SYNE1: variants seen among roughly 807,000 people sequenced by gnomAD.
The protein encoded by SYNE1 is spectrin repeat containing nuclear envelope protein 1, also known as nesprin-1.
SYNE1 carries 616 observed loss-of-function variants against 1,111.0 expected under a neutral mutation model. The ratio of observed to expected loss-of-function variants is 0.55; its 90% confidence interval spans 0.52 to 0.59. The LOEUF is 0.59. Ranked by LOEUF, SYNE1 falls within the 20% of genes least tolerant of loss-of-function variation. The pLI, the probability that SYNE1 is intolerant of heterozygous loss-of-function variation, is 0.00. For synonymous variants in SYNE1, 3,855 were observed against 3,825.8 expected, an observed-to-expected ratio of 1.01 and a Z score of -0.28; for missense variants, 10,006 against 10,417.0, an observed-to-expected ratio of 0.96 and a Z score of 1.72.
intron 134 of SYNE1, 28 bp downstream of exon 134, chr6:152,151,931 T>C: frequency 1.9e-6 from 3 of 1,612,774 alleles, no homozygotes; most frequent in Non-Finnish European, 2.5e-6. Flanking sequence ...CTCTGGCCTC[T>C]AAATTACAGA....
chr6:152,183,023 T>C (rs921321981), intron 128 of SYNE1, among the ~76,000 whole-genome samples: 9 of 152,096 alleles, frequency 5.9e-5, no homozygotes, highest in African/African-American at 2.2e-4. Flanking sequence ...TGGAAAAAGC[T>C]AAGGAAACAG....
At chr6:152,462,275 G>C (rs2098738659) in intron 20 of SYNE1, among the ~76,000 whole-genome samples, 2 of 151,674 alleles carry the variant, frequency 1.3e-5, no homozygotes, top group South Asian at 2.1e-4. Flanking sequence ...TTTTTACAAA[G>C]ACAAAAGAAT....
intron 3 of SYNE1, among the ~76,000 whole-genome samples, chr6:152,623,643 A>G (rs979732227): frequency 6.6e-6 from 1 of 152,228 alleles, no homozygotes; most frequent in African/African-American, 2.4e-5. Flanking sequence ...TCTAATATCC[A>G]GCATCTATAA....
rs1212269934 is a variant in SYNE1, at chr6:152,387,165, C to T, written c.8394G>A (p.Arg2798=). 3.7e-6 allele frequency: 6 copies of T among 1,614,116 alleles called. No homozygotes were observed. Among genetic ancestry groups the T allele is most frequent in the Non-Finnish European group, 5.1e-6 (6 of 1,180,022 alleles). The part of the protein sequence containing the change: ...RALHRLIAKS[R]ELYEKTEDES... ...CATCCTCTGTCTTTTCGTAGAGCTC[C>T]CTGGACTTCGCAATTAGACGGTGAA... The change falls in exon 54 of 146, where the codon AGG becomes AGA. Residue 2798 remains arginine, a synonymous_variant. Transcript: ENST00000367255.
intron 30 of SYNE1, 138 bp downstream of exon 30, chr6:152,444,273 C>T (rs989041924): frequency 6.6e-6 from 6 of 908,940 alleles, no homozygotes; most frequent in Non-Finnish European, 8.6e-6. Flanking sequence ...GCGCCAAATT[C>T]TTTTAGCCAT....
chr6:152,255,572 C>A lies in SYNE1; in HGVS notation c.19260+19G>T. 6.2e-7 allele frequency: 1 copy of A among 1,613,656 alleles called. No individual in the cohort carries two copies. The highest frequency in any genetic ancestry group is 8.5e-7 in the Non-Finnish European group (1 of 1,179,604). Reference sequence around the variant, plus strand: ...CTTTGTAATGTTATACACACACAGGCAGGAACTACTAAACCTACCTCTTGG... The same window carrying A: ...CTTTGTAATGTTATACACACACAGGAAGGAACTACTAAACCTACCTCTTGG... On this transcript the variant is annotated intron_variant, in intron 103 of 145. Transcript: ENST00000367255.
intron 2 of SYNE1, among the ~76,000 whole-genome samples, chr6:152,630,047 G>A (rs2099695263): frequency 6.6e-6 from 1 of 151,860 alleles, no homozygotes; most frequent in Non-Finnish European, 1.5e-5. Context: ...TTTTAAAATG[G>A]CATTACTAAT....
chr6:152,463,836 T>C (rs1362206002), intron 18 of SYNE1, among the ~76,000 whole-genome samples: 1 of 152,138 alleles, frequency 6.6e-6, no homozygotes, highest in Non-Finnish European at 1.5e-5. Flanking sequence ...GTGCATAACC[T>C]TCAGGCTAGT....
intron 3 of SYNE1, among the ~76,000 whole-genome samples, chr6:152,555,084 C>T (rs568587847): frequency 1.3e-5 from 2 of 152,104 alleles, no homozygotes; most frequent in Non-Finnish European, 2.9e-5. Context: ...GAAAAAGCAA[C>T]ATGATGAGAA....
At chr6:152,395,482 G>C (rs1294448655) in intron 51 of SYNE1, 34 bp downstream of exon 51, 1 of 1,598,716 alleles carries the variant, frequency 6.3e-7, no homozygotes. Context: ...AACATGGTAA[G>C]AGGTAAAGGA....
intron 128 of SYNE1, among the ~76,000 whole-genome samples, chr6:152,188,235 C>G (rs948426172): frequency 1.3e-5 from 2 of 152,146 alleles, no homozygotes; most frequent in African/African-American, 2.4e-5. Context: ...AGGCAGGGCA[C>G]TCGGGGTATA....
intron 48 of SYNE1, 129 bp from the exon 49 acceptor site, chr6:152,398,860 T>C: frequency 4.6e-6 from 3 of 654,920 alleles, no homozygotes; most frequent in Non-Finnish European, 8.0e-6. Context: ...CCTTACAAAA[T>C]ATTCCACAAA....
chr6:152,401,378 G>A, intron 46 of SYNE1, 37 bp from the exon 47 acceptor site: 1 of 1,588,602 alleles, frequency 6.3e-7, no homozygotes, highest in Non-Finnish European at 8.6e-7. Flanking sequence ...TATCTCTGAA[G>A]ACCAGAAGAA....
chr6:152,365,944 C>A (rs1179447018), intron 62 of SYNE1, among the ~76,000 whole-genome samples: 2 of 152,224 alleles, frequency 1.3e-5, no homozygotes, highest in African/African-American at 4.8e-5. Context: ...GCTGTTCTTT[C>A]CTCTGGCTGT....
chr6:152,310,731 T>C lies in SYNE1; in HGVS notation c.16853A>G (p.Gln5618Arg), dbSNP rs1204566736. Residue 5618 changes from glutamine (Q) to arginine (R), a missense_variant, in exon 88 of 146, where the codon CAG (glutamine) becomes CGG (arginine). Transcript: ENST00000367255. ...ELGRETEELRQMIKIRLQNLQ... is the reference protein window; with the variant it reads ...ELGRETEELRRMIKIRLQNLQ... ...GTTCTGCAAACGAATTTTGATCATC[T>C]GTCGCAACTCCTCAGTCTCCCGTCC... is the stretch of plus-strand genomic sequence containing the variant. 1 of 1,614,136 alleles carries C rather than the reference T, an allele frequency of 6.2e-7. No individual in the cohort carries two copies. The highest frequency in any genetic ancestry group is 8.5e-7 in the Non-Finnish European group (1 of 1,180,018).
intron 145 of SYNE1, chr6:152,125,483 T>C: frequency 8.2e-7 from 1 of 1,221,284 alleles, no homozygotes; most frequent in African/African-American, 1.5e-5. Context: ...GTTTTCTCAT[T>C]TGCAATGATT....
chr6:152,455,203 A>C (rs1362334240), intron 24 of SYNE1, among the ~76,000 whole-genome samples: 1 of 152,202 alleles, frequency 6.6e-6, no homozygotes, highest in Non-Finnish European at 1.5e-5. Context: ...ACTGTCTACT[A>C]TTCTGGGGAC....
intron 98 of SYNE1, 28 bp downstream of exon 98, chr6:152,278,061 G>A: frequency 6.2e-7 from 1 of 1,612,854 alleles, no homozygotes; most frequent in Non-Finnish European, 8.5e-7. Context: ...CCAACTTTCA[G>A]CTGTGGGCCA....
At chr6:152,471,991 T>C (rs2098808290) in intron 15 of SYNE1, 1 of 598,502 alleles carries the variant, frequency 1.7e-6, no homozygotes, top group Non-Finnish European at 2.9e-6. Flanking sequence ...AACACATCTC[T>C]CGTCTGTTTC....
Sources: allele counts gnomAD v4.1 joint callset (sites outside exome capture counted in the v4.1 genomes callset), GRCh38; gene constraint gnomAD v4.1.1; transcripts MANE v1.5; gene names NCBI Gene and HGNC (gene_info 2026-07-23, HGNC 2026-07-21).